RPH3A: variants seen among roughly 807,000 people sequenced by gnomAD.
RPH3A encodes rabphilin-3A.
RPH3A carries 48 observed loss-of-function variants against 102.2 expected under a neutral mutation model. The ratio of observed to expected loss-of-function variants is 0.47; its 90% CI spans 0.37 to 0.60. The LOEUF is 0.60. Among genes scored for constraint, RPH3A ranks in the 20% least tolerant of loss-of-function variants. RPH3A has a pLI of 0.00. For synonymous variants in RPH3A, 310 were observed against 324.3 expected, an observed-to-expected ratio of 0.96 and a Z score of 0.47; for missense variants, 781 against 910.1, an observed-to-expected ratio of 0.86 and a Z score of 1.83.
intron 1 of RPH3A, among the ~76,000 whole-genome samples, chr12:112,743,819 T>G (rs1313051319): frequency 6.6e-6 from 1 of 152,186 alleles, no homozygotes; most frequent in Non-Finnish European, 1.5e-5. Context: ...GATAGGATTT[T>G]TGAAAATACA....
At chr12:112,825,088 G>A (rs2041844510) in intron 2 of RPH3A, among the ~76,000 whole-genome samples, 2 of 151,666 alleles carry the variant, frequency 1.3e-5, no homozygotes. Context: ...AGGGGCCAGA[G>A]GTCCTCCAGG....
At chr12:112,576,271 G>T (rs916977919) in intron 1 of RPH3A, among the ~76,000 whole-genome samples, 4 of 152,206 alleles carry the variant, frequency 2.6e-5, no homozygotes, top group African/African-American at 9.6e-5. Flanking sequence ...TGTGGGGGTC[G>T]CCAGGAGCGC....
intron 2 of RPH3A, among the ~76,000 whole-genome samples, chr12:112,816,505 A>G (rs746402748): frequency 2.6e-5 from 4 of 152,210 alleles, no homozygotes; most frequent in Non-Finnish European, 4.4e-5. Context: ...GATTGTCCAG[A>G]TAGGAAAAGG....
rs58637139 is a variant in RPH3A, at chr12:112,717,689, A to G, written c.-139-74454A>G. 5.1e-3 allele frequency among the ~76,000 whole-genome samples: 772 copies of G among 150,832 alleles called. 5 individuals carry two copies. The highest frequency in any genetic ancestry group is 0.032 in the Middle Eastern group (9 of 284). ...GTAACTGTAAATAAAGCAGTTACAA[A>G]CATTTGTGTACTGGTTTTGTGTGAA... is the stretch of plus-strand genomic sequence containing the variant. On this transcript the variant is annotated intron_variant, in intron 1 of 21. Transcript: ENST00000543106.
At chr12:112,606,443 G>A (rs887952534) in intron 1 of RPH3A, among the ~76,000 whole-genome samples, 3 of 151,916 alleles carry the variant, frequency 2.0e-5, no homozygotes, top group Non-Finnish European at 2.9e-5. Context: ...GTGCAGTGGC[G>A]CCATCTCGGC....
intron 1 of RPH3A, among the ~76,000 whole-genome samples, chr12:112,626,690 C>T (rs1397210285): frequency 9.1e-6 from 1 of 109,784 alleles, no homozygotes; most frequent in African/African-American, 3.6e-5. Flanking sequence ...ACCATTTGAC[C>T]CAGCCATCCC....
intron 1 of RPH3A, among the ~76,000 whole-genome samples, chr12:112,750,416 A>G (rs1221449801): frequency 6.6e-6 from 1 of 152,140 alleles, no homozygotes; most frequent in Non-Finnish European, 1.5e-5. Context: ...GCTTAATCCC[A>G]CTGGGCAAAC....
intron 1 of RPH3A, among the ~76,000 whole-genome samples, chr12:112,667,622 A>G (rs1282768311): frequency 6.6e-6 from 1 of 150,832 alleles, no homozygotes; most frequent in Non-Finnish European, 1.5e-5. Flanking sequence ...CCAGGGCTAG[A>G]AGCAAAAGAG....
chr12:112,735,306 A>G (rs1335735420), intron 1 of RPH3A, among the ~76,000 whole-genome samples: 2 of 152,366 alleles, frequency 1.3e-5, no homozygotes, highest in Admixed American at 6.5e-5. Context: ...ACCCTAAAGC[A>G]CTTTGCAGGG....
At chr12:112,688,815 C>G (rs1357890870) in intron 1 of RPH3A, among the ~76,000 whole-genome samples, 1 of 152,182 alleles carries the variant, frequency 6.6e-6, no homozygotes, top group Non-Finnish European at 1.5e-5. Flanking sequence ...ACTCTTATCT[C>G]TCCATCTTTT....
At chr12:112,837,864 T>TTCCCTCCCTCCTGCCCCCC in intron 4 of RPH3A, 1 of 426,746 alleles carries the variant, frequency 2.3e-6, no homozygotes, top group Non-Finnish European at 4.6e-6. Context: ...CCTCCCCTCC[T>TTCCCTCCCTCCTGCCCCCC]TCCCTCCCTC....
intron 2 of RPH3A, among the ~76,000 whole-genome samples, chr12:112,803,103 T>A (rs2041385812): frequency 6.6e-6 from 1 of 152,084 alleles, no homozygotes; most frequent in South Asian, 2.1e-4. Context: ...GGAGCCTTTG[T>A]CCCAATTGGT....
chr12:112,679,308 G>A (rs1013546963), intron 1 of RPH3A, among the ~76,000 whole-genome samples: 15 of 151,578 alleles, frequency 9.9e-5, no homozygotes, highest in African/African-American at 2.9e-4. Flanking sequence ...CGCATGCCAC[G>A]AGGCCCAGCT....
intron 1 of RPH3A, among the ~76,000 whole-genome samples, chr12:112,608,030 C>A (rs1300791340): frequency 1.3e-5 from 2 of 152,202 alleles, no homozygotes; most frequent in East Asian, 1.9e-4. Flanking sequence ...CCAACACATG[C>A]CCAGGGACTT....
intron 1 of RPH3A, among the ~76,000 whole-genome samples, chr12:112,598,150 T>C (rs1874761164): frequency 6.6e-6 from 1 of 152,212 alleles, no homozygotes; most frequent in Admixed American, 6.5e-5. Context: ...GAGGCTGGGT[T>C]GAACATACTG....
At position 112,840,069 on chromosome 12, in the gene RPH3A, C is replaced by T. The variant is rs981031755; in HGVS notation, c.83+3567C>T. On this transcript the variant is annotated intron_variant, in intron 4 of 21. Coordinates refer to ENST00000389385, the MANE Select transcript of RPH3A (RefSeq NM_001143854.2). Reference sequence around the variant, plus strand: ...ATTCACATGGCATAGGGCATGGATACAGAGAAGAGTGAAATATTAGGGACA... The same window carrying T: ...ATTCACATGGCATAGGGCATGGATATAGAGAAGAGTGAAATATTAGGGACA... Among the ~76,000 whole-genome samples the T allele has an allele frequency of 2.0e-5, 3 of 152,152 alleles. No homozygotes were observed. In the East Asian group the frequency reaches 5.8e-4, roughly 29 times the overall value.
chr12:112,711,361 A>G (rs1283994832), intron 1 of RPH3A, among the ~76,000 whole-genome samples: 2 of 152,158 alleles, frequency 1.3e-5, no homozygotes, highest in Non-Finnish European at 2.9e-5. Context: ...CTTTCTGCTA[A>G]AAGTTTATTT....
At position 112,826,712 on chromosome 12, in the gene RPH3A, T is replaced by C. The variant is rs577520069; in HGVS notation, c.-18-1589T>C. Among the ~76,000 whole-genome samples the C allele has an allele frequency of 5.1e-4, 78 of 152,346 alleles. 2 individuals are homozygous for C. Among genetic ancestry groups the C allele is most frequent in the African/African-American group, 1.8e-3 (76 of 41,568 alleles). On this transcript the variant is annotated intron_variant, in intron 2 of 21. Transcript: ENST00000389385. ...TGTGTTCTCTTTTGTTCCTGGCATC[T>C]TTCACTAAACATAACATCTATGGGT... is the stretch of plus-strand genomic sequence containing the variant.
chr12:112,777,455 C>T (rs2136076100), intron 1 of RPH3A, among the ~76,000 whole-genome samples: 1 of 152,298 alleles, frequency 6.6e-6, no homozygotes, highest in African/African-American at 2.4e-5. Context: ...GCAGACGCCA[C>T]TGTGTGTTAG....
Sources: gnomAD v4.1 joint callset for allele counts (sites outside exome capture counted in the v4.1 genomes callset) on GRCh38, gnomAD v4.1.1 for gene constraint, MANE v1.5 for transcripts, NCBI Gene and HGNC (gene_info 2026-07-23, HGNC 2026-07-21) for gene names.